Variants in ADAMTS12 observed in about 807,000 individuals in gnomAD.
ADAMTS12 encodes the protein ADAM metallopeptidase with thrombospondin type 1 motif 12.
A neutral mutation model predicts 167.8 loss-of-function variants in ADAMTS12; 118 were observed. The ratio of observed to expected loss-of-function variants is 0.70; its 90% confidence interval spans 0.61 to 0.82. ADAMTS12 has a LOEUF of 0.82. ADAMTS12 is among the 40% of genes least tolerant of loss of function. ADAMTS12 has a pLI of 0.00. For synonymous variants in ADAMTS12, 704 were observed against 716.9 expected, an observed-to-expected ratio of 0.98 and a Z score of 0.29; for missense variants, 1,916 against 1,998.8, an observed-to-expected ratio of 0.96 and a Z score of 0.79.
chr5:33,638,669 T>C (rs1228041886), intron 11 of ADAMTS12, among the ~76,000 whole-genome samples: 1 of 152,198 alleles, frequency 6.6e-6, no homozygotes, highest in Non-Finnish European at 1.5e-5. Context: ...CTGCACGTCC[T>C]GAATCTATCA....
chr5:33,628,674 CT>C (rs563080861), intron 13 of ADAMTS12, among the ~76,000 whole-genome samples: 201 of 152,232 alleles, frequency 1.3e-3, no homozygotes, highest in African/African-American at 4.7e-3. Context: ...GCTCAATCCC[CT>C]TTGAAAAAAC....
chr5:33,745,418 C>A (rs144524091), intron 3 of ADAMTS12, among the ~76,000 whole-genome samples: 4 of 152,312 alleles, frequency 2.6e-5, no homozygotes, highest in African/African-American at 9.6e-5. Context: ...TTCTGTCCTA[C>A]AAAAGAACCA....
In ADAMTS12 at chr5:33,577,032, A is replaced by G. The variant is rs1216112064; in HGVS notation, c.2994T>C (p.Ser998=). Residue 998 remains serine (S), a synonymous_variant, in exon 19 of 24, where the codon TCT becomes TCC. Coordinates refer to ENST00000504830, the MANE Select transcript of ADAMTS12 (RefSeq NM_030955.4). ...RALCGLQQCP[S]SRRVLKPNKG... is the part of the protein sequence containing the mutation. ...TGTTTGGTTTCAGAACTCTCCGGCT[A>G]GAAGGGCATTGCTGGAGGCCACACA... The G allele has an allele frequency of 6.2e-7, 1 of 1,614,056 alleles. No homozygotes were observed. Among genetic ancestry groups the G allele is most frequent in the Non-Finnish European group, 8.5e-7 (1 of 1,180,032 alleles).
chr5:33,613,710 T>C (rs1013342101), intron 16 of ADAMTS12, among the ~76,000 whole-genome samples: 32 of 152,234 alleles, frequency 2.1e-4, no homozygotes, highest in Admixed American at 2.6e-4. Flanking sequence ...GTGGCAGAAC[T>C]TATCCCATCC....
At chr5:33,647,002 A>G (rs573838545) in intron 9 of ADAMTS12, among the ~76,000 whole-genome samples, 3 of 152,322 alleles carry the variant, frequency 2.0e-5, no homozygotes, top group Admixed American at 1.3e-4. Context: ...ATCTGAAGAG[A>G]GAACTAGTGA....
chr5:33,686,049 CT>C (rs1310040191), intron 3 of ADAMTS12, among the ~76,000 whole-genome samples: 1 of 152,154 alleles, frequency 6.6e-6, no homozygotes, highest in Non-Finnish European at 1.5e-5. Flanking sequence ...TGGATTCGGT[CT>C]CATCTTTCTC....
intron 16 of ADAMTS12, among the ~76,000 whole-genome samples, chr5:33,600,756 C>T (rs1437403753): frequency 1.3e-5 from 2 of 152,202 alleles, no homozygotes; most frequent in East Asian, 1.9e-4. Flanking sequence ...AATTACAATC[C>T]TCCCCAAATT....
chr5:33,695,911 A>T (rs1329960832), intron 3 of ADAMTS12, among the ~76,000 whole-genome samples: 10 of 152,204 alleles, frequency 6.6e-5, no homozygotes, highest in African/African-American at 1.4e-4. Context: ...TTTCTAAAAA[A>T]GTAACTTCCA....
intron 16 of ADAMTS12, among the ~76,000 whole-genome samples, chr5:33,612,676 T>C (rs1211058652): frequency 6.6e-6 from 1 of 152,130 alleles, no homozygotes. Context: ...TCAAGGGAAA[T>C]TTTTTTCACC....
chr5:33,670,120 T>C (rs1269958958), intron 5 of ADAMTS12, among the ~76,000 whole-genome samples: 1 of 150,366 alleles, frequency 6.7e-6, no homozygotes, highest in African/African-American at 2.5e-5. Flanking sequence ...GAAAGACTTA[T>C]ATTTAAAATA....
intron 16 of ADAMTS12, among the ~76,000 whole-genome samples, chr5:33,613,260 G>C (rs533651828): frequency 1.3e-5 from 2 of 152,222 alleles, no homozygotes; most frequent in African/African-American, 2.4e-5. Context: ...AGAGGTAGAG[G>C]CTTTTGCATA....
chr5:33,565,361 A>G (rs1745959938), intron 19 of ADAMTS12, among the ~76,000 whole-genome samples: 1 of 152,212 alleles, frequency 6.6e-6, no homozygotes, highest in South Asian at 2.1e-4. Context: ...CATGTTGGCC[A>G]GACTGGTCTC....
chr5:33,753,207 G>A (rs1363625542), intron 2 of ADAMTS12, among the ~76,000 whole-genome samples: 1 of 152,220 alleles, frequency 6.6e-6, no homozygotes, highest in Non-Finnish European at 1.5e-5. Flanking sequence ...TAAATGCAGA[G>A]GGGTAATACT....
intron 2 of ADAMTS12, among the ~76,000 whole-genome samples, chr5:33,851,396 A>G (rs1749215581): frequency 6.6e-6 from 1 of 152,230 alleles, no homozygotes; most frequent in Admixed American, 6.5e-5. Context: ...TGGGTGACAC[A>G]GCGAGACTCC....
chr5:33,874,434 T>C (rs1006472520), intron 2 of ADAMTS12, among the ~76,000 whole-genome samples: 1 of 152,202 alleles, frequency 6.6e-6, no homozygotes, highest in Admixed American at 6.5e-5. Context: ...CAATACCAAA[T>C]GCTGGCAAAG....
chr5:33,678,777 G>A (rs1445567505), intron 5 of ADAMTS12, among the ~76,000 whole-genome samples: 2 of 152,232 alleles, frequency 1.3e-5, no homozygotes, highest in Admixed American at 1.3e-4. Context: ...GATATGATCA[G>A]AGTACCATTT....
chr5:33,852,725 G>T (rs1443650507), intron 2 of ADAMTS12, among the ~76,000 whole-genome samples: 5 of 152,172 alleles, frequency 3.3e-5, no homozygotes. Flanking sequence ...CTCAAGGAGG[G>T]AAATAAGCAA....
At chr5:33,703,357 A>C (rs1237196034) in intron 3 of ADAMTS12, among the ~76,000 whole-genome samples, 1 of 152,184 alleles carries the variant, frequency 6.6e-6, no homozygotes, top group Non-Finnish European at 1.5e-5. Flanking sequence ...AAATGTCATA[A>C]ACTCATCCAT....
chr5:33,625,537 T>A (rs1739545239), intron 13 of ADAMTS12, among the ~76,000 whole-genome samples: 1 of 152,170 alleles, frequency 6.6e-6, no homozygotes, highest in African/African-American at 2.4e-5. Flanking sequence ...GCATATTAAT[T>A]TTAAAGTATT....
Sources: gnomAD v4.1 joint callset for allele counts (sites outside exome capture counted in the v4.1 genomes callset) on GRCh38, gnomAD v4.1.1 for gene constraint, MANE v1.5 for transcripts, NCBI Gene and HGNC (gene_info 2026-07-23, HGNC 2026-07-21) for gene names.